Variants in LSM5 observed in about 807,000 individuals in gnomAD.
The protein encoded by LSM5 is LSM5 homolog, U6 small nuclear RNA and mRNA degradation associated, also known as U6 snRNA-associated Sm-like protein LSm5.
LSM5 carries 8 observed loss-of-function variants against 13.8 expected under a neutral mutation model. The observed-to-expected ratio is 0.58, with a 90% confidence interval of 0.34 to 1.04. The LOEUF is 1.04. Among genes scored for constraint, LSM5 ranks in the 50% least tolerant of loss-of-function variants. The pLI is 0.03. For missense variants in LSM5, 80 were observed against 108.1 expected (o/e 0.74, Z 1.15); for synonymous variants, 35 against 37.0 (o/e 0.95, Z 0.20).
At chr7:32,492,088 T>C (rs1786608077), upstream of LSM5, among the ~76,000 whole-genome samples, 1 of 152,244 alleles carries the variant, frequency 6.6e-6, no homozygotes, top group Non-Finnish European at 1.5e-5. Context: ...CTTTCTCTTT[T>C]TTTCTTTTTG....
rs1465582726 is a variant in LSM5, at chr7:32,485,692, G to A, written c.*1569C>T. ...CCGGCACTTTGGGAGGCTGAGGCAG[G>A]TGGATCACTAGAGGTCAGGAGTTCA... On this transcript the variant is annotated 3_prime_UTR_variant, in exon 5 of 5. Coordinates refer to ENST00000450169, the MANE Select transcript of LSM5 (RefSeq NM_012322.3). 1 of 152,168 alleles carries A rather than the reference G, an allele frequency of 6.6e-6. No homozygotes were observed. The highest frequency in any genetic ancestry group is 6.5e-5 in the Admixed American group (1 of 15,278). 9.4% of individuals were successfully genotyped at this position (152,168 alleles called of 1,614,324 possible).
chr7:32,492,502 G>T (rs1399261722), upstream of LSM5, among the ~76,000 whole-genome samples: 1 of 151,214 alleles, frequency 6.6e-6, no homozygotes, highest in South Asian at 2.1e-4. Context: ...GCCTGGCGAC[G>T]GAGTGAGACT....
At chr7:32,490,463 A>G, upstream of LSM5, 2 of 990,286 alleles carry the variant, frequency 2.0e-6, no homozygotes, top group Non-Finnish European at 3.2e-6. Flanking sequence ...GACCAATCTG[A>G]GGCCGAGCGC....
chr7:32,488,864 A>G (rs1270959286), intron 2 of LSM5, among the ~76,000 whole-genome samples: 1 of 152,134 alleles, frequency 6.6e-6, no homozygotes, highest in Non-Finnish European at 1.5e-5. Flanking sequence ...AGCTGGACCC[A>G]CAGGTGTACA....
chr7:32,487,460 A>T (rs1439543381), intron 4 of LSM5, 167 bp from the exon 5 acceptor site: 12 of 672,694 alleles, frequency 1.8e-5, no homozygotes, highest in Non-Finnish European at 3.2e-5. Flanking sequence ...ATTAATACTT[A>T]CTATCTCAAC....
At chr7:32,487,823 C>T in intron 3 of LSM5, 66 bp from the exon 4 acceptor site, 1 of 811,162 alleles carries the variant, frequency 1.2e-6, no homozygotes, top group South Asian at 1.4e-5. Flanking sequence ...TTTGGAAATA[C>T]TTACCCTCCC....
At chr7:32,490,244 T>C (rs765990186) in intron 1 of LSM5, 76 bp downstream of exon 1, 7 of 1,613,412 alleles carry the variant, frequency 4.3e-6, no homozygotes, top group Non-Finnish European at 5.9e-6. Context: ...GGCCAGGGCC[T>C]GCCTCGGAAC....
rs1415507594 is a variant in LSM5, at chr7:32,487,202, T to A, written c.*59A>T. On this transcript the variant is annotated 3_prime_UTR_variant, in exon 5 of 5. Transcript: ENST00000450169. The stretch of plus-strand genomic sequence containing the variant: ...AAACATTAGAAAGTGGGAAAAAAAA[T>A]TCCATTTTCTTGTCATTATAAGCCA... 1.3e-5 allele frequency: 20 copies of A among 1,485,960 alleles called. 1 individual carries two copies. Among genetic ancestry groups the A allele is most frequent in the Non-Finnish European group, 1.7e-5 (18 of 1,066,902 alleles). The allele number at this position is 1,485,960 out of a possible 1,614,324, so 92.0% of individuals were successfully genotyped here.
chr7:32,489,108 C>T lies in LSM5; in HGVS notation c.142+141G>A, dbSNP rs1583463192. The T allele has an allele frequency of 6.8e-6, 4 of 585,036 alleles. No individual in the cohort carries two copies. The East Asian group carries it at 1.2e-4, about 18-fold the overall frequency. The allele number at this position is 585,036 out of a possible 1,614,324, so 36.2% of individuals were successfully genotyped here. A position where few individuals can be genotyped will look rare whatever the true frequency, so the allele number is the denominator to read the frequency against. On this transcript the variant is annotated intron_variant, in intron 2 of 4. Coordinates refer to ENST00000450169, the MANE Select transcript of LSM5 (RefSeq NM_012322.3). ...ATAGGAACTTTACCGTCTTTCAATACATACCTCTTAAAACATTATCATAAG... is the reference window on the plus strand; with the variant it reads ...ATAGGAACTTTACCGTCTTTCAATATATACCTCTTAAAACATTATCATAAG...
In LSM5 at chr7:32,486,297, T is replaced by A. The variant is rs999505633; in HGVS notation, c.*964A>T. 6.6e-6 allele frequency: 1 copy of A among 152,238 alleles called. No individual in the cohort carries two copies. Among genetic ancestry groups the A allele is most frequent in the Non-Finnish European group, 1.5e-5 (1 of 68,050 alleles). The allele number at this position is 152,238 out of a possible 1,614,324, so 9.4% of individuals were successfully genotyped here. On this transcript the variant is annotated 3_prime_UTR_variant, in exon 5 of 5. Coordinates refer to ENST00000450169, the MANE Select transcript of LSM5 (RefSeq NM_012322.3). ...ATTTGACACAGAAAGATATTCACCA[T>A]TTAAATTCAAAAAATGACTTAAGTG...
intron 3 of LSM5, chr7:32,488,316 T>C (rs1664206536): frequency 3.6e-6 from 1 of 280,866 alleles, no homozygotes; most frequent in Non-Finnish European, 6.6e-6. Flanking sequence ...ATTACAGGAA[T>C]GAGCCACCAT....
chr7:32,486,090 T>C lies in LSM5; in HGVS notation c.*1171A>G, dbSNP rs145130311. 3 of 152,128 alleles carry C rather than the reference T, an allele frequency of 2.0e-5. No homozygotes were observed. Among genetic ancestry groups the C allele is most frequent in the African/African-American group, 7.2e-5 (3 of 41,478 alleles). 9.4% of individuals were successfully genotyped at this position (152,128 alleles called of 1,614,324 possible). ...CTATGAAAGACTCCTGGCAAAAATATACATTGGCACAAACTTTTTCTTGGC... is the reference window on the plus strand; with the variant it reads ...CTATGAAAGACTCCTGGCAAAAATACACATTGGCACAAACTTTTTCTTGGC... On this transcript the variant is annotated 3_prime_UTR_variant, in exon 5 of 5. Transcript: ENST00000450169.
At chr7:32,492,533 C>CAAA (rs11435352), upstream of LSM5, among the ~76,000 whole-genome samples, 18 of 102,674 alleles carry the variant, frequency 1.8e-4, no homozygotes, top group African/African-American at 2.1e-4. Flanking sequence ...ACAACAACAA[C>CAAA]AAAAAAAAAA....
chr7:32,490,000 C>A, intron 1 of LSM5: 2 of 1,302,072 alleles, frequency 1.5e-6, no homozygotes, highest in East Asian at 3.8e-5. Flanking sequence ...ATCGTAAACG[C>A]CAGGCTGAGA....
Position 32,487,075 on chromosome 7 carries a change from C to T in LSM5, c.*186G>A, listed in dbSNP as rs10736. 0.19 allele frequency: 115,949 copies of T among 622,570 alleles called. 11,919 individuals are homozygous for T. The highest frequency in any genetic ancestry group is 0.33 in the Admixed American group (10,398 of 31,610). 38.6% of individuals were successfully genotyped at this position (622,570 alleles called of 1,614,324 possible). A position where few individuals can be genotyped will look rare whatever the true frequency, so the allele number is the denominator to read the frequency against. Reference sequence around the variant, plus strand: ...TTTATTTTCATCTGCAAAGAAGAAGCTCTTTTCTTCTTTTTCCAGGATAAT... The same window carrying T: ...TTTATTTTCATCTGCAAAGAAGAAGTTCTTTTCTTCTTTTTCCAGGATAAT... On this transcript the variant is annotated 3_prime_UTR_variant, in exon 5 of 5. Coordinates refer to ENST00000450169, the MANE Select transcript of LSM5 (RefSeq NM_012322.3).
intron 1 of LSM5, chr7:32,489,603 A>G (rs1786526105): frequency 4.9e-6 from 2 of 404,808 alleles, no homozygotes; most frequent in African/African-American, 2.1e-5. Context: ...TTCACCAACT[A>G]CAAAAATATA....
chr7:32,490,237 C>T, intron 1 of LSM5, 83 bp downstream of exon 1: 1 of 1,612,876 alleles, frequency 6.2e-7, no homozygotes, highest in African/African-American at 1.3e-5. Context: ...CACACTCGGC[C>T]AGGGCCTGCC....
rs999120397 is a variant in LSM5 at position 32,485,993 on chromosome 7, G to A, written c.*1268C>T. On this transcript the variant is annotated 3_prime_UTR_variant, in exon 5 of 5. Transcript: ENST00000450169. ...GGAAAAGAAAACTTTAGACATGCCC[G>A]GTTTTCTTGTAAAAATGGCAAAGAG... 11 of 151,046 alleles carry A rather than the reference G, an allele frequency of 7.3e-5. No homozygotes were observed. The East Asian group carries it at 7.7e-4, about 11-fold the overall frequency. 9.4% of individuals were successfully genotyped at this position (151,046 alleles called of 1,614,324 possible). A position where few individuals can be genotyped will look rare whatever the true frequency, so the allele number is the denominator to read the frequency against.
upstream of LSM5, chr7:32,495,123 AGAG>A (rs1422721058): frequency 6.6e-6 from 1 of 152,488 alleles, no homozygotes; most frequent in African/African-American, 2.4e-5. Context: ...GGAAAACAGA[AGAG>A]AAGAGGGAAG....
Sources: gnomAD v4.1 joint callset for allele counts (sites outside exome capture counted in the v4.1 genomes callset) on GRCh38, gnomAD v4.1.1 for gene constraint, MANE v1.5 for transcripts, NCBI Gene and HGNC (gene_info 2026-07-23, HGNC 2026-07-21) for gene names.